Variants in PLS1 observed in about 807,000 individuals in gnomAD.
PLS1 encodes plastin-1.
A neutral mutation model predicts 73.7 loss-of-function variants in PLS1; 32 were observed. The observed-to-expected ratio is 0.43, with a 90% CI of 0.33 to 0.58. The LOEUF is 0.58. PLS1 is among the 20% of genes least tolerant of loss of function. The pLI, the probability that PLS1 is intolerant of heterozygous loss-of-function variation, is 0.04. For missense variants in PLS1, 633 were observed against 740.5 expected, an observed-to-expected ratio of 0.85 and a Z score of 1.68; for synonymous variants, 217 against 261.3, an observed-to-expected ratio of 0.83 and a Z score of 1.63.
At chr3:142,648,444 T>C (rs1367889240) in intron 1 of PLS1, among the ~76,000 whole-genome samples, 1 of 152,128 alleles carries the variant, frequency 6.6e-6, no homozygotes, top group Non-Finnish European at 1.5e-5. Context: ...TGGAACAAAC[T>C]AAAAAAGACG....
At chr3:142,606,441 A>G (rs554132984) in intron 1 of PLS1, among the ~76,000 whole-genome samples, 1 of 152,234 alleles carries the variant, frequency 6.6e-6, no homozygotes, top group Non-Finnish European at 1.5e-5. Context: ...CTTGGCACAC[A>G]TGACATTGTT....
At chr3:142,672,710 A>T (rs2037631486) in intron 4 of PLS1, among the ~76,000 whole-genome samples, 1 of 152,186 alleles carries the variant, frequency 6.6e-6, no homozygotes, top group Non-Finnish European at 1.5e-5. Context: ...CTATATAACT[A>T]TTCTCTAGAA....
chr3:142,687,966 TA>T (rs1486208299), intron 9 of PLS1, among the ~76,000 whole-genome samples: 2 of 151,544 alleles, frequency 1.3e-5, no homozygotes, highest in East Asian at 3.9e-4. Context: ...TTTTTTTTTT[TA>T]GATGGAGTCT....
chr3:142,642,260 T>C (rs2036858618), intron 1 of PLS1, among the ~76,000 whole-genome samples: 1 of 152,202 alleles, frequency 6.6e-6, no homozygotes, highest in Non-Finnish European at 1.5e-5. Context: ...TTCCATATTC[T>C]TTGAGAACAT....
At chr3:142,705,953 CTG>C (rs1553795187) in intron 14 of PLS1, among the ~76,000 whole-genome samples, 4 of 152,018 alleles carry the variant, frequency 2.6e-5, no homozygotes, top group Non-Finnish European at 5.9e-5. Flanking sequence ...ATTTGTCTCT[CTG>C]TGTTTTAAAC....
intron 2 of PLS1, among the ~76,000 whole-genome samples, chr3:142,666,698 T>C (rs1409888910): frequency 1.3e-5 from 2 of 152,216 alleles, no homozygotes; most frequent in Non-Finnish European, 2.9e-5. Context: ...TAATTCCATA[T>C]GTAATTTTTG....
chr3:142,639,494 G>A (rs1176220844), intron 1 of PLS1, among the ~76,000 whole-genome samples: 2 of 152,118 alleles, frequency 1.3e-5, no homozygotes, highest in Non-Finnish European at 2.9e-5. Context: ...AGATAACATT[G>A]CTTTTCTCCA....
At chr3:142,644,559 G>A (rs537341367) in intron 1 of PLS1, among the ~76,000 whole-genome samples, 542 of 152,224 alleles carry the variant, frequency 3.6e-3, no homozygotes, top group South Asian at 6.6e-3. Flanking sequence ...GACTTCTTTA[G>A]TAGTTTTTTA....
Position 142,704,943 on chromosome 3 carries a change from C to A in PLS1, c.1629+357C>A, listed in dbSNP as rs1217359748. The stretch of plus-strand genomic sequence containing the variant: ...AAAGTGTTGGGATTACAGGCATGAG[C>A]TACCACGCCTGGCCAGGAACGAATT... On this transcript the variant is annotated intron_variant, in intron 14 of 15. Coordinates refer to ENST00000457734, the MANE Select transcript of PLS1 (RefSeq NM_001145319.2). 4.7e-4 allele frequency among the ~76,000 whole-genome samples: 71 copies of A among 151,636 alleles called. 1 individual carries two copies. The highest frequency in any genetic ancestry group is 1.5e-5 in the Non-Finnish European group (1 of 67,940).
intron 1 of PLS1, among the ~76,000 whole-genome samples, chr3:142,609,436 C>CA (rs397763652): frequency 1.1e-5 from 1 of 88,280 alleles, no homozygotes; most frequent in Non-Finnish European, 2.1e-5. Context: ...TGATCACGTA[C>CA]AGCTCTGAAA....
intron 1 of PLS1, among the ~76,000 whole-genome samples, chr3:142,630,229 C>T (rs1233674762): frequency 6.7e-6 from 1 of 150,356 alleles, no homozygotes; most frequent in Non-Finnish European, 1.5e-5. Context: ...TGAGACCATC[C>T]TGGTCTCATG....
intron 1 of PLS1, among the ~76,000 whole-genome samples, chr3:142,642,585 G>A (rs2036865244): frequency 6.6e-6 from 1 of 152,142 alleles, no homozygotes; most frequent in African/African-American, 2.4e-5. Context: ...GTCAGTCTGT[G>A]CCCCATATGG....
rs1247894787 is a variant in PLS1, at chr3:142,678,098, G to A, written c.564G>A (p.Thr188=). Reference sequence around the variant, plus strand: ...GAGCCATCAATAAGAAAAAGCTCACGCCATTCACTATTTCTGTAAGTATTT... The same window carrying A: ...GAGCCATCAATAAGAAAAAGCTCACACCATTCACTATTTCTGTAAGTATTT... ...DERAINKKKL[T]PFTISENLNL... is the part of the protein sequence containing the mutation. The change falls in exon 6 of 16, where the codon ACG becomes ACA. Residue 188 remains threonine (T), a synonymous_variant. Transcript: ENST00000457734. 5.9e-6 allele frequency: 9 copies of A among 1,522,282 alleles called. No homozygotes were observed. Among genetic ancestry groups the A allele is most frequent in the Middle Eastern group, 1.7e-4 (1 of 5,884 alleles). The allele number at this position is 1,522,282 out of a possible 1,614,324, so 94.3% of individuals were successfully genotyped here.
intron 12 of PLS1, among the ~76,000 whole-genome samples, chr3:142,700,058 T>C (rs1307366393): frequency 3.9e-5 from 6 of 152,160 alleles, no homozygotes; most frequent in Non-Finnish European, 5.9e-5. Context: ...AATTTTAATG[T>C]GAACTACAAA....
At chr3:142,599,556 C>T (rs1302340281) in intron 1 of PLS1, among the ~76,000 whole-genome samples, 1 of 151,736 alleles carries the variant, frequency 6.6e-6, no homozygotes, top group Admixed American at 6.6e-5. Context: ...GTCTCGATCT[C>T]CTGACCTCAT....
At chr3:142,702,613 T>C (rs1245859880) in intron 12 of PLS1, among the ~76,000 whole-genome samples, 1 of 152,218 alleles carries the variant, frequency 6.6e-6, no homozygotes, top group Non-Finnish European at 1.5e-5. Flanking sequence ...TTATGAGAGC[T>C]TATAATTTCA....
At chr3:142,641,029 G>T (rs933657976) in intron 1 of PLS1, among the ~76,000 whole-genome samples, 1 of 151,594 alleles carries the variant, frequency 6.6e-6, no homozygotes, top group African/African-American at 2.4e-5. Context: ...AGGTATGGTA[G>T]TGCATGCCTG....
intron 4 of PLS1, among the ~76,000 whole-genome samples, chr3:142,673,133 C>A (rs2037642856): frequency 6.6e-6 from 1 of 152,166 alleles, no homozygotes; most frequent in African/African-American, 2.4e-5. Flanking sequence ...CCTCGACCTC[C>A]AGAGTTCAAG....
At chr3:142,645,153 T>A (rs1486600489) in intron 1 of PLS1, 1 of 152,246 alleles carries the variant, frequency 6.6e-6, no homozygotes. Flanking sequence ...TAATTATTTG[T>A]TATGGCATTC....
Sources: allele counts gnomAD v4.1 joint callset (sites outside exome capture counted in the v4.1 genomes callset), GRCh38; gene constraint gnomAD v4.1.1; transcripts MANE v1.5; gene names NCBI Gene and HGNC (gene_info 2026-07-23, HGNC 2026-07-21).